CSNK1A1: variants seen among roughly 807,000 people sequenced by gnomAD.
CSNK1A1 encodes casein kinase 1 alpha 1.
Under a neutral mutation model 46.1 loss-of-function variants are expected in CSNK1A1, and 7 were observed. That is an observed-to-expected ratio of 0.15 (90% CI 0.09 to 0.29). CSNK1A1 has a LOEUF of 0.29. Among genes scored for constraint, CSNK1A1 ranks in the 10% least tolerant of loss-of-function variants. The pLI, the probability that CSNK1A1 is intolerant of heterozygous loss-of-function variation, is 1.00. For synonymous variants in CSNK1A1, 137 were observed against 141.5 expected (o/e 0.97, Z 0.23); for missense variants, 96 against 417.1 (o/e 0.23, Z 6.71).
At chr5:149,503,513 C>G in intron 9 of CSNK1A1, 3 of 985,284 alleles carry the variant, frequency 3.0e-6, no homozygotes, top group Non-Finnish European at 3.6e-6. Flanking sequence ...CCTAATTTTT[C>G]AAGTCCATGT....
rs181235348 is a variant in CSNK1A1 at position 149,544,454 on chromosome 5, G to T, written c.230+5621C>A. 3.0e-3 allele frequency among the ~76,000 whole-genome samples: 463 copies of T among 151,864 alleles called. 3 individuals are homozygous for T. The highest frequency in any genetic ancestry group is 0.011 in the African/African-American group (448 of 41,380). ...GAGGCAGGAGAAGTACTTGAGCTCA[G>T]GAATGCAAGACCAGTCTGGGCAATA... is the stretch of plus-strand genomic sequence containing the variant. On this transcript the variant is annotated intron_variant, in intron 2 of 9. Transcript: ENST00000377843.
intron 4 of CSNK1A1, among the ~76,000 whole-genome samples, chr5:149,518,103 T>G (rs1429538661): frequency 6.6e-6 from 1 of 152,204 alleles, no homozygotes; most frequent in East Asian, 1.9e-4. Flanking sequence ...CACTATTTTG[T>G]GTCACTGCCT....
At chr5:149,519,333 G>A (rs1761494209) in intron 4 of CSNK1A1, among the ~76,000 whole-genome samples, 2 of 151,844 alleles carry the variant, frequency 1.3e-5, no homozygotes, top group Non-Finnish European at 1.5e-5. Flanking sequence ...TAAAACAAAT[G>A]GGCATCTTCC....
At chr5:149,542,461 T>C (rs1016654287) in intron 2 of CSNK1A1, among the ~76,000 whole-genome samples, 4 of 129,416 alleles carry the variant, frequency 3.1e-5, no homozygotes, top group African/African-American at 1.2e-4. Flanking sequence ...CTTGCTCCAG[T>C]CTGTGGAAAA....
Position 149,550,362 on chromosome 5 carries a change from G to A in CSNK1A1, c.124-181C>T. 1 of 1,403,364 alleles carries A rather than the reference G, an allele frequency of 7.1e-7. No individual in the cohort carries two copies. Among genetic ancestry groups the A allele is most frequent in the Non-Finnish European group, 9.2e-7 (1 of 1,082,340 alleles). The allele number at this position is 1,403,364 out of a possible 1,614,324, so 86.9% of individuals were successfully genotyped here. A position where few individuals can be genotyped will look rare whatever the true frequency, so the allele number is the denominator to read the frequency against. On this transcript the variant is annotated intron_variant, in intron 1 of 9. Coordinates refer to ENST00000377843, the MANE Select transcript of CSNK1A1 (RefSeq NM_001892.6). This position sits in a 1 kb window ranked among gnomAD's most constrained non-coding sequence, Gnocchi z 4.3. ...CCAGCCTCAAAGGCCTCTTCAGGGG[G>A]TAGTGACGAAATCCGTACGTCCTCT...
rs544635067 is a variant in CSNK1A1, at chr5:149,513,562, C to T, written c.457-353G>A. Among the ~76,000 whole-genome samples, 6 of 152,306 alleles carry T rather than the reference C, an allele frequency of 3.9e-5. No individual in the cohort carries two copies. The South Asian group carries it at 1.2e-3, about 32-fold the overall frequency. On this transcript the variant is annotated intron_variant, in intron 4 of 9. Transcript: ENST00000377843. ...ATCTGTCATAATGACACCTGATAGT[C>T]TGTACACCTGTTACTACTGGTAAAC...
Position 149,516,646 on chromosome 5 carries a change from G to A in CSNK1A1, c.457-3437C>T, listed in dbSNP as rs182426072. Among the ~76,000 whole-genome samples, 571 of 151,904 alleles carry A rather than the reference G, an allele frequency of 3.8e-3. 4 individuals are homozygous for A. The highest frequency in any genetic ancestry group is 6.5e-3 in the Non-Finnish European group (442 of 67,916). Reference sequence around the variant, plus strand: ...CGAAATGTAAGCAAAATATGTGAATGGGTAAGTAAAAATGAGGCACTATAA... The same window carrying A: ...CGAAATGTAAGCAAAATATGTGAATAGGTAAGTAAAAATGAGGCACTATAA... On this transcript the variant is annotated intron_variant, in intron 4 of 9. Coordinates refer to ENST00000377843, the MANE Select transcript of CSNK1A1 (RefSeq NM_001892.6).
At chr5:149,540,539 AT>A (rs1204249776) in intron 2 of CSNK1A1, among the ~76,000 whole-genome samples, 10 of 152,216 alleles carry the variant, frequency 6.6e-5, no homozygotes, top group African/African-American at 2.4e-4. Context: ...AATGTACCTC[AT>A]GGTGATAAAC....
chr5:149,520,470 A>G, intron 3 of CSNK1A1, 82 bp from the exon 4 acceptor site: 1 of 770,002 alleles, frequency 1.3e-6, no homozygotes. Context: ...CAGTATCTCA[A>G]TTATTTAGAG....
In CSNK1A1 at chr5:149,550,063, C is replaced by G; in HGVS notation, c.230+12G>C. On this transcript the variant is annotated intron_variant, in intron 2 of 9. Coordinates refer to ENST00000377843, the MANE Select transcript of CSNK1A1 (RefSeq NM_001892.6). This position sits in a 1 kb window ranked among gnomAD's most constrained non-coding sequence, Gnocchi z 4.3. Reference sequence around the variant, plus strand: ...TCCCTCAGCGGATCGCCTATATGCACCGGGTTCTTACCGTATGTGGGGGAT... The same window carrying G: ...TCCCTCAGCGGATCGCCTATATGCAGCGGGTTCTTACCGTATGTGGGGGAT... 2 of 1,611,746 alleles carry G rather than the reference C, an allele frequency of 1.2e-6. No homozygotes were observed.
intron 2 of CSNK1A1, among the ~76,000 whole-genome samples, chr5:149,539,935 T>C (rs776095617): frequency 2.2e-4 from 33 of 152,346 alleles, no homozygotes; most frequent in East Asian, 3.8e-4. Flanking sequence ...CTGGATAATA[T>C]TGGACTCTTT....
chr5:149,496,998 T>C, intron 9 of CSNK1A1, 138 bp from the exon 10 acceptor site: 2 of 1,442,596 alleles, frequency 1.4e-6, no homozygotes, highest in Non-Finnish European at 1.8e-6. Flanking sequence ...TGAAAAGTAT[T>C]AGCTCAACTT....
intron 9 of CSNK1A1, chr5:149,503,165 G>A (rs1760926170): frequency 1.0e-6 from 1 of 985,420 alleles, no homozygotes; most frequent in South Asian, 4.7e-5. Context: ...ATAACATAGA[G>A]CAATTGTTTT....
chr5:149,551,314 C>G lies in CSNK1A1; in HGVS notation c.-350G>C, dbSNP rs1006631437. The stretch of plus-strand genomic sequence containing the variant: ...GGCGATACCGCTGCCACCACTGCCG[C>G]CGGCTCCGGCCCAGAGGGACCCCTG... On this transcript the variant is annotated 5_prime_UTR_variant, in exon 1 of 10. Coordinates refer to ENST00000377843, the MANE Select transcript of CSNK1A1 (RefSeq NM_001892.6). 1.6e-5 allele frequency: 4 copies of G among 244,452 alleles called. No homozygotes were observed. The highest frequency in any genetic ancestry group is 9.2e-5 in the African/African-American group (4 of 43,294). The allele number at this position is 244,452 out of a possible 1,614,324, so 15.1% of individuals were successfully genotyped here.
intron 3 of CSNK1A1, among the ~76,000 whole-genome samples, chr5:149,524,471 G>A (rs1220268721): frequency 1.3e-5 from 2 of 151,832 alleles, no homozygotes; most frequent in Non-Finnish European, 2.9e-5. Flanking sequence ...CCAAACTTTG[G>A]CTGTAAAAAC....
Position 149,505,494 on chromosome 5 carries a change from T to G in CSNK1A1, c.959A>C (p.Gln320Pro). The part of the protein sequence containing the change: ...ASSSGQGQQA[Q>P]TPTGKQTDKT... The stretch of plus-strand genomic sequence containing the variant: ...GTCAGTTTGCTTGCCTGTGGGGGTT[T>G]GGGCCTGCTGACCCTGCCCACTGGA... Residue 320 changes from glutamine to proline, a missense_variant, in exon 9 of 10, where the codon CAA becomes CCA. Transcript: ENST00000377843. The G allele has an allele frequency of 6.2e-7, 1 of 1,614,178 alleles. No individual in the cohort carries two copies. The highest frequency in any genetic ancestry group is 8.5e-7 in the Non-Finnish European group (1 of 1,180,026).
chr5:149,517,753 T>A lies in CSNK1A1; in HGVS notation c.456+2537A>T. Reference sequence around the variant, plus strand: ...TAAAACAATAAAAAAGAAAAGCACATGAATTTGGGATTGAGGTTGGAATAG... The same window carrying A: ...TAAAACAATAAAAAAGAAAAGCACAAGAATTTGGGATTGAGGTTGGAATAG... On this transcript the variant is annotated intron_variant, in intron 4 of 9. Coordinates refer to ENST00000377843, the MANE Select transcript of CSNK1A1 (RefSeq NM_001892.6). This position sits in a 1 kb window ranked among gnomAD's most constrained non-coding sequence, Gnocchi z 4.4. 8.2e-7 allele frequency: 1 copy of A among 1,223,572 alleles called. No homozygotes were observed. The highest frequency in any genetic ancestry group is 1.2e-6 in the Non-Finnish European group (1 of 848,112). 75.8% of individuals were successfully genotyped at this position (1,223,572 alleles called of 1,614,324 possible).
intron 2 of CSNK1A1, among the ~76,000 whole-genome samples, chr5:149,534,629 T>C (rs1400393734): frequency 2.6e-5 from 4 of 151,654 alleles, no homozygotes; most frequent in Non-Finnish European, 5.9e-5. Flanking sequence ...CTGTGTCATT[T>C]CTCTGTTATA....
intron 7 of CSNK1A1, among the ~76,000 whole-genome samples, chr5:149,508,954 G>T (rs112355953): frequency 0.13 from 20,329 of 152,020 alleles, 1,487 homozygotes; most frequent in Non-Finnish European, 0.16. Context: ...TTGAGACAGG[G>T]TCTCACTCTG....
Sources: allele counts gnomAD v4.1 joint callset (sites outside exome capture counted in the v4.1 genomes callset), GRCh38; gene constraint gnomAD v4.1.1; non-coding constraint Gnocchi (gnomAD v3.1); transcripts MANE v1.5; gene names NCBI Gene and HGNC (gene_info 2026-07-23, HGNC 2026-07-21).